The following LRP1B variants were observed in gnomAD, a reference collection of about 807,000 sequenced individuals.
The protein encoded by LRP1B is LDL receptor related protein 1B, also known as low-density lipoprotein receptor-related protein 1B.
A neutral mutation model predicts 556.6 loss-of-function variants in LRP1B; 217 were observed. That is an observed-to-expected ratio of 0.39 (90% CI 0.35 to 0.44). The LOEUF is 0.44. Ranked by LOEUF, LRP1B falls within the 20% of genes least tolerant of loss-of-function variation. The pLI is 1.00. For missense variants in LRP1B, 5,053 were observed against 5,620.8 expected (o/e 0.90, Z 3.23); for synonymous variants, 2,047 against 1,865.8 (o/e 1.10, Z -2.50).
chr2:140,327,664 CATT>C (rs1467309498), intron 79 of LRP1B, among the ~76,000 whole-genome samples: 1 of 151,912 alleles, frequency 6.6e-6, no homozygotes, highest in Non-Finnish European at 1.5e-5. Context: ...TTCCCGGTAA[CATT>C]AGTTTTAGAC....
chr2:140,781,174 A>G (rs1005905368), intron 32 of LRP1B, among the ~76,000 whole-genome samples: 3 of 152,214 alleles, frequency 2.0e-5, no homozygotes, highest in African/African-American at 7.2e-5. Flanking sequence ...CTTGAAGACC[A>G]TGACCAAAGG....
chr2:140,632,327 G>T (rs1683916180), intron 41 of LRP1B, among the ~76,000 whole-genome samples: 1 of 151,992 alleles, frequency 6.6e-6, no homozygotes, highest in Non-Finnish European at 1.5e-5. Context: ...ATAGCATATG[G>T]ATTAGTGAAA....
intron 79 of LRP1B, among the ~76,000 whole-genome samples, chr2:140,331,717 G>A (rs1026642893): frequency 4.8e-5 from 7 of 147,326 alleles, no homozygotes; most frequent in Non-Finnish European, 9.0e-5. Context: ...AATTTTAAAA[G>A]GGTGTTTCGC....
intron 41 of LRP1B, among the ~76,000 whole-genome samples, chr2:140,632,785 G>A (rs943099258): frequency 7.2e-5 from 11 of 152,176 alleles, no homozygotes; most frequent in African/African-American, 2.2e-4. Context: ...ACATTAGGCC[G>A]GGCATCGTGG....
At chr2:141,820,668 CAT>C (rs1321308917) in intron 1 of LRP1B, among the ~76,000 whole-genome samples, 2 of 152,182 alleles carry the variant, frequency 1.3e-5, no homozygotes, top group Non-Finnish European at 2.9e-5. Context: ...ACTCTACAGA[CAT>C]ATGTGTATGT....
intron 7 of LRP1B, among the ~76,000 whole-genome samples, chr2:141,115,670 G>C (rs1406597115): frequency 6.7e-6 from 1 of 150,344 alleles, no homozygotes; most frequent in Non-Finnish European, 1.5e-5. Context: ...TTTTAGTAGA[G>C]ACGGGTTTTT....
chr2:140,518,884 A>C (rs1450929878), intron 49 of LRP1B, among the ~76,000 whole-genome samples: 1 of 152,154 alleles, frequency 6.6e-6, no homozygotes, highest in African/African-American at 2.4e-5. Context: ...AAACACGGAC[A>C]ATTTGACTTC....
At position 140,334,664 on chromosome 2, in the gene LRP1B, C is replaced by G. The variant is rs1024750311; in HGVS notation, c.12117-105G>C. 1.7e-5 allele frequency: 10 copies of G among 585,546 alleles called. No homozygotes were observed. In the African/African-American group the frequency reaches 1.9e-4, roughly 11 times the overall value. The allele number at this position is 585,546 out of a possible 1,614,324, so 36.3% of individuals were successfully genotyped here. ...TCAGACCACGTGCCTCAGAATCACC[C>G]CAGAGTCTCTTAAAAAGAGTCAACT... On this transcript the variant is annotated intron_variant, in intron 78 of 90. Coordinates refer to ENST00000389484, the MANE Select transcript of LRP1B (RefSeq NM_018557.3).
At chr2:142,032,167 T>C (rs1037218531) in intron 1 of LRP1B, among the ~76,000 whole-genome samples, 8 of 151,866 alleles carry the variant, frequency 5.3e-5, no homozygotes, top group Non-Finnish European at 1.0e-4. Context: ...CCAAGATTCC[T>C]ACAGAAGTCA....
At chr2:142,105,630 G>A (rs376318032) in intron 1 of LRP1B, among the ~76,000 whole-genome samples, 1 of 152,110 alleles carries the variant, frequency 6.6e-6, no homozygotes, top group East Asian at 1.9e-4. Flanking sequence ...GTCCAAGCTT[G>A]CAGATTTGTA....
chr2:141,727,891 G>GT (rs1344918257), intron 2 of LRP1B, among the ~76,000 whole-genome samples: 3 of 152,026 alleles, frequency 2.0e-5, no homozygotes, highest in African/African-American at 7.2e-5. Context: ...AGTTACCATA[G>GT]TAAGAGAGGA....
At chr2:141,166,428 T>TG (rs932047737) in intron 7 of LRP1B, among the ~76,000 whole-genome samples, 10 of 151,056 alleles carry the variant, frequency 6.6e-5, no homozygotes, top group South Asian at 2.1e-4. Flanking sequence ...ATATATTTAA[T>TG]GGGGTACTTG....
chr2:141,351,294 G>A (rs1157366194), intron 3 of LRP1B, among the ~76,000 whole-genome samples: 1 of 152,028 alleles, frequency 6.6e-6, no homozygotes, highest in East Asian at 1.9e-4. Context: ...AAATTACAGT[G>A]TCTAAGATTT....
chr2:141,074,231 T>C (rs1459322845), intron 7 of LRP1B, among the ~76,000 whole-genome samples: 1 of 152,076 alleles, frequency 6.6e-6, no homozygotes, highest in Non-Finnish European at 1.5e-5. Flanking sequence ...TTTCTGCACT[T>C]CATATACACT....
intron 1 of LRP1B, among the ~76,000 whole-genome samples, chr2:141,922,052 G>T (rs572000230): frequency 2.0e-5 from 3 of 152,002 alleles, no homozygotes; most frequent in South Asian, 4.2e-4. Flanking sequence ...TTAAGAAAAA[G>T]GTATGGAAAA....
intron 7 of LRP1B, among the ~76,000 whole-genome samples, chr2:141,172,704 A>G (rs1305086035): frequency 6.6e-6 from 1 of 152,058 alleles, no homozygotes; most frequent in Non-Finnish European, 1.5e-5. Context: ...ATTGGCTGAT[A>G]AATAGAATCT....
intron 6 of LRP1B, among the ~76,000 whole-genome samples, chr2:141,206,131 TCACACACACA>T (rs10556736): frequency 2.0e-5 from 3 of 149,440 alleles, no homozygotes; most frequent in East Asian, 2.0e-4. Context: ...AGTGTACTAT[TCACACACACA>T]CACACACACA....
At chr2:140,822,411 A>G (rs184748002) in intron 31 of LRP1B, among the ~76,000 whole-genome samples, 32 of 152,352 alleles carry the variant, frequency 2.1e-4, no homozygotes, top group Admixed American at 6.5e-4. Context: ...GCATTTTCAT[A>G]TGATTATGAT....
intron 1 of LRP1B, among the ~76,000 whole-genome samples, chr2:141,989,491 T>G (rs1274291367): frequency 6.6e-6 from 1 of 152,006 alleles, no homozygotes; most frequent in Non-Finnish European, 1.5e-5. Context: ...TATATGTCAG[T>G]TTTTCTATTT....
Sources: gnomAD v4.1 joint callset for allele counts (sites outside exome capture counted in the v4.1 genomes callset) on GRCh38, gnomAD v4.1.1 for gene constraint, MANE v1.5 for transcripts, NCBI Gene and HGNC (gene_info 2026-07-23, HGNC 2026-07-21) for gene names.